RAPGEF4: variants seen among roughly 807,000 people sequenced by gnomAD.
RAPGEF4 encodes Rap guanine nucleotide exchange factor 4.
A neutral mutation model predicts 147.9 loss-of-function variants in RAPGEF4; 66 were observed. That is an observed-to-expected ratio of 0.45 (90% CI 0.37 to 0.55). The LOEUF (loss-of-function observed/expected upper bound fraction) is 0.55. RAPGEF4 is among the 20% of genes least tolerant of loss of function. RAPGEF4 has a pLI of 0.00. For synonymous variants in RAPGEF4, 419 were observed against 442.7 expected (o/e 0.95, Z 0.67); for missense variants, 1,071 against 1,257.3 (o/e 0.85, Z 2.24).
chr2:172,902,738 G>C (rs1465948709), intron 4 of RAPGEF4, among the ~76,000 whole-genome samples: 1 of 152,166 alleles, frequency 6.6e-6, no homozygotes, highest in South Asian at 2.1e-4. Flanking sequence ...ATGGGCCTGG[G>C]TGAGACTCAT....
chr2:172,971,445 C>G (rs1242024480), intron 10 of RAPGEF4, among the ~76,000 whole-genome samples: 3 of 151,998 alleles, frequency 2.0e-5, no homozygotes, highest in Non-Finnish European at 4.4e-5. Flanking sequence ...CATTTGGGCC[C>G]GAGCAGAGAG....
At chr2:172,854,943 G>T (rs1693250780) in intron 4 of RAPGEF4, among the ~76,000 whole-genome samples, 1 of 152,104 alleles carries the variant, frequency 6.6e-6, no homozygotes, top group Non-Finnish European at 1.5e-5. Context: ...AACAAGTTTT[G>T]CATTGGGCAG....
intron 5 of RAPGEF4, 85 bp downstream of exon 5, chr2:172,917,959 A>T (rs1684258599): frequency 9.0e-7 from 1 of 1,108,734 alleles, no homozygotes. Flanking sequence ...GTCCTACACC[A>T]GCTTGTCAGA....
chr2:172,794,489 G>A (rs977420469), intron 1 of RAPGEF4, among the ~76,000 whole-genome samples: 2 of 152,070 alleles, frequency 1.3e-5, no homozygotes, highest in Non-Finnish European at 2.9e-5. Context: ...AGCCAAATAA[G>A]AGCTGCTCCC....
At chr2:172,827,170 G>A (rs1277196906) in intron 4 of RAPGEF4, among the ~76,000 whole-genome samples, 3 of 152,050 alleles carry the variant, frequency 2.0e-5, no homozygotes, top group South Asian at 4.2e-4. Context: ...AAAGCCTTCG[G>A]TGAATTCCTG....
At chr2:172,755,213 G>A (rs1255234607) in intron 1 of RAPGEF4, among the ~76,000 whole-genome samples, 4 of 152,094 alleles carry the variant, frequency 2.6e-5, no homozygotes, top group Admixed American at 2.6e-4. Context: ...GCCCCATACA[G>A]AAACTCTTTA....
Position 173,039,195 on chromosome 2 carries a change from C to T in RAPGEF4, c.2853+2503C>T, listed in dbSNP as rs13034647. Among the ~76,000 whole-genome samples, 1,421 of 152,092 alleles carry T rather than the reference C, an allele frequency of 9.3e-3. 15 individuals are homozygous for T. The highest frequency in any genetic ancestry group is 0.015 in the Non-Finnish European group (1,046 of 67,994). On this transcript the variant is annotated intron_variant, in intron 29 of 30. Transcript: ENST00000397081. ...CAAGCAGGCCAGGTGTGGTGGCTCA[C>T]GCCTGTAATCCCAGCACTTTGGGAG...
chr2:172,753,505 G>A (rs759086938), intron 1 of RAPGEF4, among the ~76,000 whole-genome samples: 3 of 150,780 alleles, frequency 2.0e-5, no homozygotes, highest in Admixed American at 6.6e-5. Flanking sequence ...ATATATTTGA[G>A]TATATTTCTT....
intron 1 of RAPGEF4, among the ~76,000 whole-genome samples, chr2:172,753,859 G>A (rs1417568714): frequency 1.4e-5 from 2 of 143,312 alleles, no homozygotes; most frequent in African/African-American, 5.2e-5. Context: ...TTGCATCTGA[G>A]ATGTCACAGT....
chr2:172,922,817 G>T (rs1468309565), intron 6 of RAPGEF4, among the ~76,000 whole-genome samples: 2 of 152,190 alleles, frequency 1.3e-5, no homozygotes, highest in African/African-American at 4.8e-5. Flanking sequence ...TTAGGACAAA[G>T]ATTTCACCAA....
chr2:172,802,518 A>T (rs1000358536), intron 3 of RAPGEF4, among the ~76,000 whole-genome samples: 9 of 152,200 alleles, frequency 5.9e-5, no homozygotes, highest in African/African-American at 2.2e-4. Flanking sequence ...ACCTTCCACC[A>T]GGTTCTTCCT....
chr2:172,956,359 C>T (rs912657471), intron 6 of RAPGEF4, among the ~76,000 whole-genome samples: 1 of 152,170 alleles, frequency 6.6e-6, no homozygotes, highest in Non-Finnish European at 1.5e-5. Flanking sequence ...TGAATGGTTT[C>T]CATCTCCTGG....
chr2:172,787,555 A>C (rs1400620827), intron 1 of RAPGEF4, among the ~76,000 whole-genome samples: 1 of 152,040 alleles, frequency 6.6e-6, no homozygotes, highest in Non-Finnish European at 1.5e-5. Flanking sequence ...TGGATGAATG[A>C]ATAGATAAAT....
chr2:172,959,328 C>A (rs1401838624), intron 6 of RAPGEF4, among the ~76,000 whole-genome samples: 1 of 152,214 alleles, frequency 6.6e-6, no homozygotes, highest in Non-Finnish European at 1.5e-5. Context: ...CCTCTTTAAT[C>A]TTCAAAGCCA....
rs199696709 is a variant in RAPGEF4 at position 172,967,271 on chromosome 2, G to A, written c.831G>A (p.Glu277=). 2 of 1,611,962 alleles carry A rather than the reference G, an allele frequency of 1.2e-6. No individual in the cohort carries two copies. Among genetic ancestry groups the A allele is most frequent in the Non-Finnish European group, 1.7e-6 (2 of 1,179,340 alleles). ...CCATGTTTCCCATAGTGGACCAGGA[G>A]CACCATTTCCAAGACAAATATTTAT... ...EDGVLNHVDQ[E]HHFQDKYLFY... is the part of the protein sequence containing the mutation. Residue 277 remains glutamate, a synonymous_variant, in exon 10 of 31, where the codon GAG becomes GAA. Transcript: ENST00000397081.
chr2:173,003,597 C>T (rs191636375), intron 17 of RAPGEF4, among the ~76,000 whole-genome samples: 2 of 152,222 alleles, frequency 1.3e-5, no homozygotes, highest in Admixed American at 1.3e-4. Flanking sequence ...AATCAGGGTC[C>T]TGAAGTTACC....
chr2:172,783,855 A>G (rs996914312), intron 1 of RAPGEF4, among the ~76,000 whole-genome samples: 1 of 151,948 alleles, frequency 6.6e-6, no homozygotes, highest in East Asian at 1.9e-4. Flanking sequence ...GCAGATCTCT[A>G]GGGAGAGGGG....
At chr2:172,771,900 CTG>C (rs746562063) in intron 1 of RAPGEF4, among the ~76,000 whole-genome samples, 14 of 152,174 alleles carry the variant, frequency 9.2e-5, no homozygotes, top group Non-Finnish European at 1.9e-4. Flanking sequence ...AGAAAAATGT[CTG>C]TTGCTCAAGG....
At chr2:173,026,130 C>G (rs113868834) in intron 23 of RAPGEF4, among the ~76,000 whole-genome samples, 14 of 152,292 alleles carry the variant, frequency 9.2e-5, no homozygotes, top group African/African-American at 3.4e-4. Flanking sequence ...CCATGGCCAC[C>G]GGCAGCAGGA....
Sources: gnomAD v4.1 joint callset for allele counts (sites outside exome capture counted in the v4.1 genomes callset) on GRCh38, gnomAD v4.1.1 for gene constraint, MANE v1.5 for transcripts, NCBI Gene and HGNC (gene_info 2026-07-23, HGNC 2026-07-21) for gene names.